Variants in LDAH observed in about 807,000 individuals in gnomAD.
The protein encoded by LDAH is lipid droplet associated hydrolase.
A neutral mutation model predicts 29.6 loss-of-function variants in LDAH; 26 were observed. The ratio of observed to expected loss-of-function variants is 0.88; its 90% CI spans 0.64 to 1.22. The LOEUF (loss-of-function observed/expected upper bound fraction) is 1.22, where lower values mean the gene tolerates loss of function less well. LDAH is among the 50% of genes most tolerant of loss of function. The pLI is 0.00. For missense variants in LDAH, 344 were observed against 387.3 expected (o/e 0.89, Z 0.94); for synonymous variants, 117 against 133.0 (o/e 0.88, Z 0.83).
intron 6 of LDAH, among the ~76,000 whole-genome samples, chr2:20,688,523 G>A (rs1662736234): frequency 6.6e-6 from 1 of 152,174 alleles, no homozygotes; most frequent in African/African-American, 2.4e-5. Context: ...TGGCCACAAC[G>A]AGAAGAAGGA....
At chr2:20,709,916 T>C (rs1291650554) in intron 5 of LDAH, among the ~76,000 whole-genome samples, 5 of 152,208 alleles carry the variant, frequency 3.3e-5, no homozygotes, top group African/African-American at 1.2e-4. Context: ...ATATCAGACT[T>C]TGTGGGACAG....
At chr2:20,706,858 C>T (rs1388588859) in intron 5 of LDAH, among the ~76,000 whole-genome samples, 2 of 152,212 alleles carry the variant, frequency 1.3e-5, no homozygotes, top group Non-Finnish European at 2.9e-5. Context: ...TTTCAGGCTA[C>T]AGTGCAAGAA....
At chr2:20,812,886 A>G (rs1018723336) in intron 1 of LDAH, among the ~76,000 whole-genome samples, 1 of 152,238 alleles carries the variant, frequency 6.6e-6, no homozygotes, top group Non-Finnish European at 1.5e-5. Context: ...GATGCTATCT[A>G]AATTTAATCC....
At chr2:20,782,142 A>G (rs1670238521) in intron 3 of LDAH, among the ~76,000 whole-genome samples, 1 of 152,150 alleles carries the variant, frequency 6.6e-6, no homozygotes, top group South Asian at 2.1e-4. Context: ...CAGCAGCACC[A>G]ATATTACCTG....
At chr2:20,815,215 A>G (rs996591555) in intron 1 of LDAH, among the ~76,000 whole-genome samples, 6 of 152,168 alleles carry the variant, frequency 3.9e-5, no homozygotes, top group Admixed American at 3.3e-4. Context: ...AGTGAACTTG[A>G]AAACAGATCA....
intron 4 of LDAH, among the ~76,000 whole-genome samples, chr2:20,765,346 C>T (rs1029465630): frequency 6.6e-6 from 1 of 152,120 alleles, no homozygotes; most frequent in South Asian, 2.1e-4. Flanking sequence ...AATCACTATC[C>T]ATTTATCACC....
At position 20,685,602 on chromosome 2, in the gene LDAH, G is replaced by C. The variant is rs1182030438; in HGVS notation, c.*1301C>G. ...CTTTCATCAGGGGGCTTTAGGATTT[G>C]AGCGGAGGGACATCTCATTGTCCTT... On this transcript the variant is annotated 3_prime_UTR_variant, in exon 7 of 7. Coordinates refer to ENST00000237822, the MANE Select transcript of LDAH (RefSeq NM_021925.4). The C allele has an allele frequency of 1.3e-6, 2 of 1,550,360 alleles. No homozygotes were observed. Among genetic ancestry groups the C allele is most frequent in the African/African-American group, 1.4e-5 (1 of 73,052 alleles).
At chr2:20,731,273 C>T (rs1485888428) in intron 5 of LDAH, among the ~76,000 whole-genome samples, 2 of 151,996 alleles carry the variant, frequency 1.3e-5, no homozygotes, top group African/African-American at 2.4e-5. Flanking sequence ...TAACACCATC[C>T]CCCTTGGTGC....
At chr2:20,691,820 C>T (rs1411625769) in intron 6 of LDAH, among the ~76,000 whole-genome samples, 3 of 152,126 alleles carry the variant, frequency 2.0e-5, no homozygotes, top group Non-Finnish European at 2.9e-5. Context: ...TTCTCCAGAA[C>T]CATGCTTTGG....
chr2:20,767,756 C>T (rs1278783714), intron 4 of LDAH, among the ~76,000 whole-genome samples: 1 of 152,206 alleles, frequency 6.6e-6, no homozygotes, highest in Non-Finnish European at 1.5e-5. Flanking sequence ...TGCCCATGGA[C>T]CAATCAGTGG....
rs1480441589 is a variant in LDAH, at chr2:20,684,828, T to C, written c.*2075A>G. ...GACTGGGACATACAGGCAGAGCTGCTTCTGGAAAATGGATTTCTTCCACTG... is the reference window on the plus strand; with the variant it reads ...GACTGGGACATACAGGCAGAGCTGCCTCTGGAAAATGGATTTCTTCCACTG... On this transcript the variant is annotated 3_prime_UTR_variant, in exon 7 of 7. Transcript: ENST00000237822. 8 of 1,531,448 alleles carry C rather than the reference T, an allele frequency of 5.2e-6. No homozygotes were observed. The highest frequency in any genetic ancestry group is 7.0e-6 in the Non-Finnish European group (8 of 1,137,430). 94.9% of individuals were successfully genotyped at this position (1,531,448 alleles called of 1,614,324 possible).
intron 6 of LDAH, among the ~76,000 whole-genome samples, chr2:20,691,546 G>A (rs1006479944): frequency 5.3e-5 from 8 of 152,148 alleles, no homozygotes; most frequent in African/African-American, 1.9e-4. Flanking sequence ...TGTGTCATGG[G>A]GGTGATAACT....
intron 3 of LDAH, chr2:20,789,438 A>T: frequency 6.9e-7 from 1 of 1,440,830 alleles, no homozygotes; most frequent in Non-Finnish European, 9.1e-7. Context: ...ATCAATTTCC[A>T]TTTTTAAAAG....
chr2:20,790,764 C>T (rs1670891097), intron 2 of LDAH, among the ~76,000 whole-genome samples: 1 of 152,186 alleles, frequency 6.6e-6, no homozygotes, highest in South Asian at 2.1e-4. Flanking sequence ...TTCCTTGTCA[C>T]TTATCACTAG....
At chr2:20,742,496 T>C (rs1003016043) in intron 4 of LDAH, among the ~76,000 whole-genome samples, 3 of 152,258 alleles carry the variant, frequency 2.0e-5, no homozygotes, top group African/African-American at 7.2e-5. Context: ...GGCACATGCA[T>C]GTAAAGGACT....
chr2:20,719,224 GTTT>G (rs61437825), intron 5 of LDAH, among the ~76,000 whole-genome samples: 8 of 130,518 alleles, frequency 6.1e-5, no homozygotes. Flanking sequence ...AAATGAAAAA[GTTT>G]TTTTTTTTTT....
At chr2:20,739,713 G>A (rs13383450) in intron 5 of LDAH, among the ~76,000 whole-genome samples, 1 of 152,194 alleles carries the variant, frequency 6.6e-6, no homozygotes, top group African/African-American at 2.4e-5. Context: ...TGCGGAAGAA[G>A]TGTTTCTCAC....
chr2:20,690,580 C>T (rs533731513), intron 6 of LDAH, among the ~76,000 whole-genome samples: 16 of 152,276 alleles, frequency 1.1e-4, no homozygotes, highest in African/African-American at 3.9e-4. Flanking sequence ...GCTTGAGATA[C>T]TTCCTTTTCC....
At chr2:20,795,954 C>T (rs946393558) in intron 2 of LDAH, among the ~76,000 whole-genome samples, 4 of 140,050 alleles carry the variant, frequency 2.9e-5, no homozygotes, top group Non-Finnish European at 6.5e-5. Flanking sequence ...GCCACACACA[C>T]ACACACACAC....
Sources: gnomAD v4.1 joint callset for allele counts (sites outside exome capture counted in the v4.1 genomes callset) on GRCh38, gnomAD v4.1.1 for gene constraint, MANE v1.5 for transcripts, NCBI Gene and HGNC (gene_info 2026-07-23, HGNC 2026-07-21) for gene names.